The following FBXO31 variants were observed in gnomAD, a reference collection of about 807,000 sequenced individuals.
The protein encoded by FBXO31 is F-box protein 31, also known as F-box only protein 31.
FBXO31 carries 24 observed loss-of-function variants against 54.4 expected under a neutral mutation model. The observed-to-expected ratio is 0.44, with a 90% confidence interval of 0.32 to 0.62. FBXO31 has a LOEUF of 0.62. Among genes scored for constraint, FBXO31 ranks in the 20% least tolerant of loss-of-function variants. The pLI is 0.05. For synonymous variants in FBXO31, 388 were observed against 335.6 expected, an observed-to-expected ratio of 1.16 and a Z score of -1.71; for missense variants, 665 against 787.1, an observed-to-expected ratio of 0.84 and a Z score of 1.86.
rs999515634 is a variant in FBXO31 at position 87,344,930 on chromosome 16, C to G, written c.490-1165G>C. On this transcript the variant is annotated intron_variant, in intron 3 of 8. Coordinates refer to ENST00000311635, the MANE Select transcript of FBXO31 (RefSeq NM_024735.5). ...CCCTTCCCCAAACCCCACCTGGGGG[C>G]AGAGCCCATCCCTGCCCCAAACCCC... Among the ~76,000 whole-genome samples, 77 of 143,478 alleles carry G rather than the reference C, an allele frequency of 5.4e-4. 1 individual carries two copies. Among genetic ancestry groups the G allele is most frequent in the African/African-American group, 1.9e-3 (73 of 38,694 alleles). The allele number at this position is 143,478 out of a possible 152,430, so 94.1% of individuals were successfully genotyped here.
intron 2 of FBXO31, among the ~76,000 whole-genome samples, chr16:87,354,309 C>T (rs1001112439): frequency 6.6e-6 from 1 of 151,992 alleles, no homozygotes; most frequent in Non-Finnish European, 1.5e-5. Flanking sequence ...CTTGTCTCTA[C>T]AAAAACAACA....
chr16:87,357,767 C>A (rs1455132278), intron 2 of FBXO31, among the ~76,000 whole-genome samples: 2 of 152,110 alleles, frequency 1.3e-5, no homozygotes, highest in African/African-American at 4.8e-5. Flanking sequence ...CCCATCTCTA[C>A]TAAAAATACA....
upstream of FBXO31, among the ~76,000 whole-genome samples, chr16:87,387,319 A>G (rs114237626): frequency 0.013 from 2,046 of 152,296 alleles, 10 homozygotes; most frequent in Non-Finnish European, 0.018. Context: ...AGAATAAGGA[A>G]GGTGCGTGCA....
chr16:87,378,177 A>C (rs976948856), intron 1 of FBXO31, among the ~76,000 whole-genome samples: 1 of 152,010 alleles, frequency 6.6e-6, no homozygotes, highest in South Asian at 2.1e-4. Flanking sequence ...AAAACAAAAC[A>C]AAACCAGAAA....
chr16:87,339,706 G>A (rs925737343), intron 5 of FBXO31, among the ~76,000 whole-genome samples: 1 of 152,236 alleles, frequency 6.6e-6, no homozygotes, highest in Non-Finnish European at 1.5e-5. Flanking sequence ...CTGACCGTAA[G>A]CGTGCTGCTA....
At chr16:87,377,216 G>C (rs867434114) in intron 1 of FBXO31, among the ~76,000 whole-genome samples, 29 of 152,304 alleles carry the variant, frequency 1.9e-4, no homozygotes, top group Middle Eastern at 3.4e-3. Flanking sequence ...AGGCCGAGGC[G>C]GGCGGACCAC....
intron 1 of FBXO31, among the ~76,000 whole-genome samples, chr16:87,374,396 C>T (rs1318233910): frequency 6.6e-6 from 1 of 152,096 alleles, no homozygotes; most frequent in Non-Finnish European, 1.5e-5. Context: ...CATCGAAAAT[C>T]GCTTTATTGT....
Position 87,334,027 on chromosome 16 carries a change from G to A in FBXO31, c.1256C>T (p.Thr419Ile), listed in dbSNP as rs1259561068. Residue 419 changes from threonine (T) to isoleucine (I), a missense_variant, in exon 8 of 9, where the codon ACA (threonine) becomes ATA (isoleucine). By Grantham distance (89) the Thr-to-Ile change is moderately conservative. This residue lies in a region of FBXO31 where 165 missense variants were observed against 159.7 expected (regional missense o/e 1.03). Transcript: ENST00000311635. ...AEAPSKGPDGTPGEDGGEPGD... is the reference protein window; with the variant it reads ...AEAPSKGPDGIPGEDGGEPGD... Reference sequence around the variant, plus strand: ...AGGCTCGCCACCATCCTCACCAGGTGTCCCATCTGGGCCCTTGCTGGGCGC... The same window carrying A: ...AGGCTCGCCACCATCCTCACCAGGTATCCCATCTGGGCCCTTGCTGGGCGC... The A allele has an allele frequency of 6.2e-7, 1 of 1,612,732 alleles. No individual in the cohort carries two copies. The highest frequency in any genetic ancestry group is 2.2e-5 in the East Asian group (1 of 44,858).
intron 5 of FBXO31, among the ~76,000 whole-genome samples, chr16:87,339,433 T>G (rs1447975343): frequency 6.6e-6 from 1 of 152,182 alleles, no homozygotes; most frequent in Admixed American, 6.5e-5. Context: ...ACTGCAGGCC[T>G]CAAGATGAAC....
At chr16:87,331,945 C>T (rs945264348) in intron 8 of FBXO31, among the ~76,000 whole-genome samples, 8 of 152,230 alleles carry the variant, frequency 5.3e-5, no homozygotes, top group African/African-American at 1.7e-4. Context: ...GTTATGTCCC[C>T]ATACAATTAG....
intron 5 of FBXO31, among the ~76,000 whole-genome samples, chr16:87,342,315 A>G (rs1905219734): frequency 6.6e-6 from 1 of 152,130 alleles, no homozygotes; most frequent in Admixed American, 6.5e-5. Flanking sequence ...TCAGCCTCCC[A>G]AAGAGCTGGG....
rs1905089799 is a variant in FBXO31, at chr16:87,338,242, A to C, written c.733-1978T>G. On this transcript the variant is annotated intron_variant, in intron 5 of 8. Transcript: ENST00000311635. This position sits in a 1 kb window ranked among gnomAD's most constrained non-coding sequence, Gnocchi z 4.3. ...CAACACATACAAGCCACAAGAAAAA[A>C]AAAAAAACAGGGAGCCCAGGACATG... is the stretch of plus-strand genomic sequence containing the variant. Among the ~76,000 whole-genome samples, 1 of 152,040 alleles carries C rather than the reference A, an allele frequency of 6.6e-6. No individual in the cohort carries two copies. The highest frequency in any genetic ancestry group is 1.5e-5 in the Non-Finnish European group (1 of 67,996).
At chr16:87,380,198 T>C (rs2150699025) in intron 1 of FBXO31, among the ~76,000 whole-genome samples, 1 of 145,736 alleles carries the variant, frequency 6.9e-6, no homozygotes, top group Non-Finnish European at 1.5e-5. Context: ...CTTAAGAGGC[T>C]GAGGCAGGAG....
At chr16:87,357,444 C>G (rs970455951) in intron 2 of FBXO31, among the ~76,000 whole-genome samples, 2 of 151,650 alleles carry the variant, frequency 1.3e-5, no homozygotes, top group Admixed American at 1.3e-4. Context: ...ATTCCCCCAC[C>G]TCAGCCTCTG....
intron 1 of FBXO31, among the ~76,000 whole-genome samples, chr16:87,360,671 G>C (rs1906092643): frequency 6.6e-6 from 1 of 152,222 alleles, no homozygotes; most frequent in African/African-American, 2.4e-5. Context: ...CCTAGTTTAT[G>C]AACAAGGTGA....
rs1396630708 is a variant in FBXO31 at position 87,331,572 on chromosome 16, T to C, written c.1398-62A>G. ...AGGGCTGAGTCAAATGCACGCCACG[T>C]ACAGCATTCTGCGACCCCGCTCTGT... On this transcript the variant is annotated intron_variant, in intron 8 of 8. Transcript: ENST00000311635. The C allele has an allele frequency of 2.2e-6, 3 of 1,375,334 alleles. No individual in the cohort carries two copies. The African/African-American group carries it at 4.3e-5, about 20-fold the overall frequency. The allele number at this position is 1,375,334 out of a possible 1,614,324, so 85.2% of individuals were successfully genotyped here. A position where few individuals can be genotyped will look rare whatever the true frequency, so the allele number is the denominator to read the frequency against.
chr16:87,334,432 G>T, intron 7 of FBXO31, 146 bp from the exon 8 acceptor site: 2 of 722,072 alleles, frequency 2.8e-6, no homozygotes, highest in Non-Finnish European at 2.2e-6. Flanking sequence ...AGAAGAAGAA[G>T]TCTCAGAATC....
chr16:87,371,221 C>CT (rs1420576206), intron 1 of FBXO31, among the ~76,000 whole-genome samples: 2 of 152,246 alleles, frequency 1.3e-5, no homozygotes, highest in Non-Finnish European at 2.9e-5. Context: ...AGCGTAGCTC[C>CT]TGCTCAAACA....
In FBXO31 at chr16:87,336,325, G is replaced by A; in HGVS notation, c.733-61C>T. On this transcript the variant is annotated intron_variant, in intron 5 of 8. Coordinates refer to ENST00000311635, the MANE Select transcript of FBXO31 (RefSeq NM_024735.5). This position sits in a 1 kb window ranked among gnomAD's most constrained non-coding sequence, Gnocchi z 6.5. ...ACAGGAGGCTGTGAAGAGGCTGCCG[G>A]CTGTGCCGCTGAGAGGACACAGTGT... 6.8e-7 allele frequency: 1 copy of A among 1,464,716 alleles called. No homozygotes were observed. Among genetic ancestry groups the A allele is most frequent in the Non-Finnish European group, 9.5e-7 (1 of 1,050,258 alleles). 90.7% of individuals were successfully genotyped at this position (1,464,716 alleles called of 1,614,324 possible).
Sources: gnomAD v4.1 joint callset for allele counts (sites outside exome capture counted in the v4.1 genomes callset) on GRCh38, gnomAD v4.1.1 for gene constraint, gnomAD v4.1.1 regional missense constraint, Gnocchi (gnomAD v3.1) non-coding constraint, MANE v1.5 for transcripts, NCBI Gene and HGNC (gene_info 2026-07-23, HGNC 2026-07-21) for gene names.